The following USP40 variants were observed in gnomAD, a reference collection of about 807,000 sequenced individuals.
USP40 encodes ubiquitin carboxyl-terminal hydrolase 40.
USP40 carries 143 observed loss-of-function variants against 166.2 expected under a neutral mutation model. The observed-to-expected ratio is 0.86, with a 90% CI of 0.75 to 0.99. The LOEUF (loss-of-function observed/expected upper bound fraction) is 0.99, where lower values mean the gene tolerates loss of function less well. Ranked by LOEUF, USP40 falls within the 50% of genes least tolerant of loss-of-function variation. USP40 has a pLI of 0.00. For missense variants in USP40, 1,444 were observed against 1,479.7 expected, an observed-to-expected ratio of 0.98 and a Z score of 0.40; for synonymous variants, 498 against 524.0, an observed-to-expected ratio of 0.95 and a Z score of 0.68.
intron 18 of USP40, among the ~76,000 whole-genome samples, chr2:233,516,779 C>G (rs1016749667): frequency 6.6e-6 from 1 of 151,068 alleles, no homozygotes; most frequent in African/African-American, 2.4e-5. Flanking sequence ...ATCGCTTGAA[C>G]CCAGGAGACA....
intron 24 of USP40, among the ~76,000 whole-genome samples, chr2:233,496,092 G>A (rs778396353): frequency 6.6e-5 from 10 of 152,226 alleles, no homozygotes; most frequent in Non-Finnish European, 1.3e-4. Context: ...AAAAGGTGTA[G>A]GAGTGATTTC....
Position 233,527,399 on chromosome 2 carries a change from G to T in USP40, c.1725+8C>A. 1 of 1,610,882 alleles carries T rather than the reference G, an allele frequency of 6.2e-7. No individual in the cohort carries two copies. Among genetic ancestry groups the T allele is most frequent in the Non-Finnish European group, 8.5e-7 (1 of 1,179,146 alleles). On this transcript the variant is annotated splice_region_variant and intron_variant, in intron 13 of 31. Transcript: ENST00000678225. ...TGTCTGAATTAAGAGGAAGTAAGGC[G>T]ATATTACCTGAAATATTGACTGCCG...
rs757625855 is a variant in USP40, at chr2:233,551,481, A to T, written c.732T>A (p.Val244=). The change falls in exon 7 of 32, where the codon GTT becomes GTA. Residue 244 remains valine (V), a synonymous_variant. Transcript: ENST00000678225. ...AATCAAAATTAAATCTTAGTAATGAAACAGTAAGAAAAGGAGGCAGCTTAC... is the reference window on the plus strand; with the variant it reads ...AATCAAAATTAAATCTTAGTAATGATACAGTAAGAAAAGGAGGCAGCTTAC... ...KLRKLPPFLT[V]SLLRFNFDFV... 1.4e-5 allele frequency: 23 copies of T among 1,607,376 alleles called. No individual in the cohort carries two copies. The highest frequency in any genetic ancestry group is 1.9e-5 in the Non-Finnish European group (22 of 1,177,314).
At position 233,554,496 on chromosome 2, in the gene USP40, T is replaced by TG; in HGVS notation, c.576dup (p.Lys193GlnfsTer21). Reference sequence around the variant, plus strand: ...GCATCTTCCAAACCGGATACATTTTTGACTGCTACTGTTAGATCTAAGAAG... The same window carrying TG: ...GCATCTTCCAAACCGGATACATTTTTGGACTGCTACTGTTAGATCTAAGAAG... On this transcript the variant is annotated frameshift_variant, in exon 6 of 32. Coordinates refer to ENST00000678225, the MANE Select transcript of USP40 (RefSeq NM_001365479.2). LOFTEE classifies it high-confidence loss of function. 4 of 1,611,674 alleles carry TG rather than the reference T, an allele frequency of 2.5e-6. No individual in the cohort carries two copies. The highest frequency in any genetic ancestry group is 3.4e-6 in the Non-Finnish European group (4 of 1,179,152).
rs2068711635 is a variant in USP40 at position 233,533,581 on chromosome 2, C to T, written c.1369G>A (p.Val457Ile). The change falls in exon 11 of 32, where the codon GTC becomes ATC. Residue 457 changes from valine to isoleucine, a missense_variant. Physicochemically the swap from Val to Ile is conservative, Grantham distance 29 (BLOSUM62 3). Coordinates refer to ENST00000678225, the MANE Select transcript of USP40 (RefSeq NM_001365479.2). ...PHWFDINDSK[V>I]QPIREKDIEQ... ...ATATCCTTTTCCCTGATTGGCTGGA[C>T]TTTAGAATCATTTATATCAAACCAG... 1 of 1,613,686 alleles carries T rather than the reference C, an allele frequency of 6.2e-7. No homozygotes were observed. The highest frequency in any genetic ancestry group is 8.5e-7 in the Non-Finnish European group (1 of 1,179,830).
chr2:233,523,155 T>A lies in USP40; in HGVS notation c.2201+15A>T. The A allele has an allele frequency of 1.3e-6, 2 of 1,588,074 alleles. No homozygotes were observed. The highest frequency in any genetic ancestry group is 1.7e-6 in the Non-Finnish European group (2 of 1,164,732). On this transcript the variant is annotated intron_variant, in intron 16 of 31. Coordinates refer to ENST00000678225, the MANE Select transcript of USP40 (RefSeq NM_001365479.2). ...ATGACTTTTAGAAATCCTTTTTCTC[T>A]TGTTAGCGAGTTACCTGTTATCATC...
rs893228922 is a variant in USP40 at position 233,560,032 on chromosome 2, A to G, written c.268-108T>C. The G allele has an allele frequency of 1.1e-5, 7 of 634,526 alleles. No individual in the cohort carries two copies. In the Admixed American group the frequency reaches 2.4e-4, roughly 21 times the overall value. The allele number at this position is 634,526 out of a possible 1,614,324, so 39.3% of individuals were successfully genotyped here. On this transcript the variant is annotated intron_variant, in intron 3 of 31. Coordinates refer to ENST00000678225, the MANE Select transcript of USP40 (RefSeq NM_001365479.2). ...TTATATCTCCCAGTTCATTCAGGAG[A>G]AAGTTTATAAATATCCTATTATAAG...
At chr2:233,501,359 T>C (rs1192965328) in intron 21 of USP40, among the ~76,000 whole-genome samples, 1 of 152,208 alleles carries the variant, frequency 6.6e-6, no homozygotes, top group Non-Finnish European at 1.5e-5. Flanking sequence ...TAGGCCCTTG[T>C]GCAGACATTC....
rs916017130 is a variant in USP40, at chr2:233,516,587, C to A, written c.2383+3027G>T. Among the ~76,000 whole-genome samples the A allele has an allele frequency of 3.3e-5, 5 of 151,730 alleles. No individual in the cohort carries two copies. The South Asian group carries it at 1.0e-3, about 32-fold the overall frequency. ...CCTGTAGTCCCAGCTACTCGAGAGG[C>A]TGAGGCAGGAGAATGGCGTGAACCC... On this transcript the variant is annotated intron_variant, in intron 18 of 31. Transcript: ENST00000678225.
Position 233,480,381 on chromosome 2 carries a change from G to A in USP40, c.3599+822C>T, listed in dbSNP as rs1346005574. Among the ~76,000 whole-genome samples, 1 of 152,258 alleles carries A rather than the reference G, an allele frequency of 6.6e-6. No homozygotes were observed. Among genetic ancestry groups the A allele is most frequent in the African/African-American group, 2.4e-5 (1 of 41,470 alleles). ...TGAGTCGGGGAGTGGGGGAGGATGA[G>A]GACGCCTGGGGGCCTCTGGTGAGGC... On this transcript the variant is annotated intron_variant, in intron 31 of 31. Transcript: ENST00000678225. This position sits in a 1 kb window ranked among gnomAD's most constrained non-coding sequence, Gnocchi z 4.5.
rs768903110 is a variant in USP40, at chr2:233,521,058, T to A, written c.2258A>T (p.His753Leu). The part of the protein sequence containing the change: ...VTSMNEIDWL[H>L]VKNLCQLESE... ...TTCTAACTGGCATAAATTTTTAACG[T>A]GGAGCCAGTCAATCTCATTCATACT... Residue 753 changes from histidine to leucine, a missense_variant, in exon 17 of 32, where the codon CAC (histidine) becomes CTC (leucine). Coordinates refer to ENST00000678225, the MANE Select transcript of USP40 (RefSeq NM_001365479.2). 6.2e-7 allele frequency: 1 copy of A among 1,613,558 alleles called. No individual in the cohort carries two copies. Among genetic ancestry groups the A allele is most frequent in the Non-Finnish European group, 8.5e-7 (1 of 1,179,680 alleles).
At chr2:233,482,577 C>T (rs1035999003) in intron 30 of USP40, among the ~76,000 whole-genome samples, 1 of 148,522 alleles carries the variant, frequency 6.7e-6, no homozygotes, top group African/African-American at 2.6e-5. Flanking sequence ...TGTGTTCCCA[C>T]TGGAGTTTTT....
chr2:233,477,744 G>A (rs911475249), intron 31 of USP40, among the ~76,000 whole-genome samples: 2 of 152,230 alleles, frequency 1.3e-5, no homozygotes, highest in African/African-American at 2.4e-5. Context: ...AGGCTCTGGG[G>A]CTTTCTCAAT....
chr2:233,553,612 G>A (rs188097458), intron 6 of USP40, among the ~76,000 whole-genome samples: 113 of 152,284 alleles, frequency 7.4e-4, no homozygotes, highest in Non-Finnish European at 1.1e-3. Context: ...ATAACACCAG[G>A]GAGGTGTTCC....
At chr2:233,524,237 C>T (rs974381647) in intron 15 of USP40, among the ~76,000 whole-genome samples, 3 of 152,094 alleles carry the variant, frequency 2.0e-5, no homozygotes, top group South Asian at 2.1e-4. Flanking sequence ...TCAAGCGATT[C>T]GCCTGCCTCA....
In USP40 at chr2:233,477,158, C is replaced by T; in HGVS notation, c.*234G>A. The T allele has an allele frequency of 3.7e-6, 2 of 533,474 alleles. No homozygotes were observed. The highest frequency in any genetic ancestry group is 6.8e-6 in the Non-Finnish European group (2 of 293,730). The allele number at this position is 533,474 out of a possible 1,614,324, so 33.0% of individuals were successfully genotyped here. A position where few individuals can be genotyped will look rare whatever the true frequency, so the allele number is the denominator to read the frequency against. On this transcript the variant is annotated 3_prime_UTR_variant, in exon 32 of 32. Coordinates refer to ENST00000678225, the MANE Select transcript of USP40 (RefSeq NM_001365479.2). ...GCTGTGTGAGAGAGCCCAGCACCTACTGGCAGCTGGGTGGGCGACATCCAG... is the reference window on the plus strand; with the variant it reads ...GCTGTGTGAGAGAGCCCAGCACCTATTGGCAGCTGGGTGGGCGACATCCAG...
chr2:233,521,034 TCTAA>T lies in USP40; in HGVS notation c.2278_2281del (p.Leu760AsnfsTer25). ...TATTTTAACTTGCTTCTCTTCAGAT[TCTAA>T]CTGGCATAAATTTTTAACGTGGAGC... On this transcript the variant is annotated frameshift_variant, in exon 17 of 32. Transcript: ENST00000678225. LOFTEE classifies it high-confidence loss of function. 6.2e-7 allele frequency: 1 copy of T among 1,613,600 alleles called. No individual in the cohort carries two copies.
chr2:233,540,187 T>A (rs537996211), intron 10 of USP40, among the ~76,000 whole-genome samples: 39 of 144,420 alleles, frequency 2.7e-4, no homozygotes, highest in Non-Finnish European at 5.3e-4. Flanking sequence ...GCAACACTGA[T>A]GAAAAAAGGT....
chr2:233,523,150 T>C lies in USP40; in HGVS notation c.2201+20A>G. 6.3e-7 allele frequency: 1 copy of C among 1,583,138 alleles called. No individual in the cohort carries two copies. ...TTAAAATGACTTTTAGAAATCCTTT[T>C]TCTCTTGTTAGCGAGTTACCTGTTA... On this transcript the variant is annotated intron_variant, in intron 16 of 31. Coordinates refer to ENST00000678225, the MANE Select transcript of USP40 (RefSeq NM_001365479.2).
Sources: gnomAD v4.1 joint callset for allele counts (sites outside exome capture counted in the v4.1 genomes callset) on GRCh38, gnomAD v4.1.1 for gene constraint, Gnocchi (gnomAD v3.1) non-coding constraint, MANE v1.5 for transcripts, NCBI Gene and HGNC (gene_info 2026-07-23, HGNC 2026-07-21) for gene names.